CSMD1: variants seen among roughly 807,000 people sequenced by gnomAD.
The protein encoded by CSMD1 is CUB and Sushi multiple domains 1, also known as CUB and sushi domain-containing protein 1.
CSMD1 carries 213 observed loss-of-function variants against 417.5 expected under a neutral mutation model. The ratio of observed to expected loss-of-function variants is 0.51; its 90% CI spans 0.46 to 0.57. The LOEUF is 0.57. Among genes scored for constraint, CSMD1 ranks in the 20% least tolerant of loss-of-function variants. CSMD1 has a pLI of 0.00. For missense variants in CSMD1, 6,923 were observed against 4,529.7 expected (o/e 1.53, Z -15.17); for synonymous variants, 2,862 against 1,736.8 (o/e 1.65, Z -16.11).
At chr8:3,506,210 G>C (rs1028700397) in intron 10 of CSMD1, among the ~76,000 whole-genome samples, 2 of 152,264 alleles carry the variant, frequency 1.3e-5, no homozygotes, top group African/African-American at 4.8e-5. Flanking sequence ...CGAGCTGTCA[G>C]GGAGACGGCC....
chr8:3,658,069 G>A (rs1433453033), intron 7 of CSMD1, among the ~76,000 whole-genome samples: 1 of 152,068 alleles, frequency 6.6e-6, no homozygotes, highest in Non-Finnish European at 1.5e-5. Context: ...CAGCCCAGAG[G>A]CATTCAGCAC....
intron 5 of CSMD1, among the ~76,000 whole-genome samples, chr8:3,938,787 G>A (rs2129737152): frequency 6.6e-6 from 1 of 152,256 alleles, no homozygotes; most frequent in East Asian, 1.9e-4. Context: ...CACGTCAGAT[G>A]AATCCAAACA....
At chr8:4,839,998 G>A (rs183798283) in intron 1 of CSMD1, among the ~76,000 whole-genome samples, 16 of 152,272 alleles carry the variant, frequency 1.1e-4, no homozygotes, top group Admixed American at 5.9e-4. Context: ...GGAACTTACA[G>A]GTGCTTTTTG....
intron 63 of CSMD1, among the ~76,000 whole-genome samples, chr8:2,956,113 C>G (rs1802991310): frequency 6.6e-6 from 1 of 151,850 alleles, no homozygotes; most frequent in Admixed American, 6.6e-5. Flanking sequence ...AACACTTCTG[C>G]TATACTACCG....
chr8:3,797,016 T>G (rs567272283), intron 5 of CSMD1, among the ~76,000 whole-genome samples: 4 of 151,864 alleles, frequency 2.6e-5, no homozygotes, highest in African/African-American at 9.7e-5. Context: ...TGTTGTTAAT[T>G]ATATAAATTT....
At chr8:3,006,808 AC>A (rs893277931) in intron 52 of CSMD1, among the ~76,000 whole-genome samples, 1 of 150,320 alleles carries the variant, frequency 6.7e-6, no homozygotes, top group African/African-American at 2.5e-5. Context: ...TAGACCTAAA[AC>A]CATAAAAACC....
chr8:4,260,604 T>A (rs1803809615), intron 3 of CSMD1, among the ~76,000 whole-genome samples: 2 of 152,186 alleles, frequency 1.3e-5, no homozygotes, highest in Admixed American at 6.5e-5. Flanking sequence ...AAACACATAT[T>A]TGTGGTTTTT....
At chr8:4,155,879 G>C (rs1363739145) in intron 3 of CSMD1, among the ~76,000 whole-genome samples, 1 of 152,112 alleles carries the variant, frequency 6.6e-6, no homozygotes, top group Non-Finnish European at 1.5e-5. Context: ...CCATCCTATA[G>C]CCCTCTCTGT....
chr8:3,301,216 T>TG (rs1283019719), intron 25 of CSMD1, among the ~76,000 whole-genome samples: 1 of 152,024 alleles, frequency 6.6e-6, no homozygotes, highest in Non-Finnish European at 1.5e-5. Flanking sequence ...CCATATTGTT[T>TG]GGGGTAGGAG....
intron 3 of CSMD1, among the ~76,000 whole-genome samples, chr8:4,092,704 T>G (rs1218454716): frequency 2.0e-5 from 3 of 152,172 alleles, no homozygotes; most frequent in African/African-American, 7.2e-5. Context: ...CTTAATGTGA[T>G]TTTTGAAATA....
chr8:3,399,422 G>C lies in CSMD1; in HGVS notation c.2374C>G (p.Pro792Ala), dbSNP rs781167935. 5 of 1,606,414 alleles carry C rather than the reference G, an allele frequency of 3.1e-6. No homozygotes were observed. The highest frequency in any genetic ancestry group is 2.2e-5 in the East Asian group (1 of 44,718). ...LHCEWIIEAK[P>A]GHSIKITFDR... ...AAAGTTATTTTGATAGAGTGGCCTG[G>C]TTTTGCTTCAATTATCCATTCACAA... The change falls in exon 16 of 70, where the codon CCA becomes GCA. Residue 792 changes from proline (P) to alanine (A), a missense_variant. By Grantham distance (27) the Pro-to-Ala change is conservative. Coordinates refer to ENST00000635120, the MANE Select transcript of CSMD1 (RefSeq NM_033225.6).
At chr8:3,296,481 G>A (rs1349496769) in intron 25 of CSMD1, among the ~76,000 whole-genome samples, 6 of 152,080 alleles carry the variant, frequency 3.9e-5, no homozygotes, top group Admixed American at 2.0e-4. Context: ...ACACCGATGC[G>A]GGATTTTAAG....
At chr8:4,177,879 G>C (rs1294701287) in intron 3 of CSMD1, among the ~76,000 whole-genome samples, 1 of 151,640 alleles carries the variant, frequency 6.6e-6, no homozygotes, top group African/African-American at 2.4e-5. Context: ...GACTAAACCA[G>C]GAAGAAGTTA....
intron 26 of CSMD1, among the ~76,000 whole-genome samples, chr8:3,257,103 C>G (rs1204177141): frequency 6.6e-6 from 1 of 152,144 alleles, no homozygotes; most frequent in Non-Finnish European, 1.5e-5. Flanking sequence ...GGGTGGATCA[C>G]TTGAGGTCAG....
chr8:3,388,078 A>G (rs1448016680), intron 17 of CSMD1, among the ~76,000 whole-genome samples: 1 of 152,184 alleles, frequency 6.6e-6, no homozygotes, highest in African/African-American at 2.4e-5. Flanking sequence ...ATGTACTTCT[A>G]TATTTATATA....
At chr8:3,294,940 C>G (rs975702153) in intron 25 of CSMD1, among the ~76,000 whole-genome samples, 4 of 152,030 alleles carry the variant, frequency 2.6e-5, no homozygotes, top group African/African-American at 9.7e-5. Context: ...TAGACTGGAG[C>G]TGTTCCTATT....
intron 23 of CSMD1, among the ~76,000 whole-genome samples, chr8:3,315,079 T>A (rs545571070): frequency 6.6e-6 from 1 of 152,332 alleles, no homozygotes; most frequent in South Asian, 2.1e-4. Flanking sequence ...ACATACTATC[T>A]ATCTGTTAAT....
At chr8:3,631,563 T>C (rs576956911) in intron 7 of CSMD1, among the ~76,000 whole-genome samples, 1 of 152,272 alleles carries the variant, frequency 6.6e-6, no homozygotes, top group East Asian at 1.9e-4. Context: ...GCAAACAGTT[T>C]GAAATGACGC....
intron 48 of CSMD1, 136 bp downstream of exon 48, chr8:3,091,380 T>C (rs1022910017): frequency 1.0e-5 from 6 of 571,460 alleles, no homozygotes; most frequent in African/African-American, 5.8e-5. Context: ...TTACCCATCA[T>C]ATATTTCTAC....
Sources: gnomAD v4.1 joint callset for allele counts (sites outside exome capture counted in the v4.1 genomes callset) on GRCh38, gnomAD v4.1.1 for gene constraint, MANE v1.5 for transcripts, NCBI Gene and HGNC (gene_info 2026-07-23, HGNC 2026-07-21) for gene names.